The following MBD5 variants were observed in gnomAD, a reference collection of about 807,000 sequenced individuals.
MBD5 encodes the protein methyl-CpG binding domain protein 5, also known as methyl-CpG-binding domain protein 5.
A neutral mutation model predicts 117.3 loss-of-function variants in MBD5; 13 were observed. The observed-to-expected ratio is 0.11, with a 90% CI of 0.07 to 0.18. The LOEUF (loss-of-function observed/expected upper bound fraction) is 0.18, where lower values mean the gene tolerates loss of function less well. Among genes scored for constraint, MBD5 ranks in the 10% least tolerant of loss-of-function variants. MBD5 has a pLI of 1.00. For missense variants in MBD5, 1,879 were observed against 2,093.8 expected, an observed-to-expected ratio of 0.90 and a Z score of 2.00; for synonymous variants, 727 against 766.4, an observed-to-expected ratio of 0.95 and a Z score of 0.85.
intron 1 of MBD5, among the ~76,000 whole-genome samples, chr2:148,050,470 C>A (rs549641410): frequency 1.3e-5 from 2 of 152,044 alleles, no homozygotes; most frequent in South Asian, 4.2e-4. Flanking sequence ...GGATACTAGA[C>A]CCTTATCATA....
intron 4 of MBD5, among the ~76,000 whole-genome samples, chr2:148,386,501 G>A (rs958818643): frequency 6.2e-4 from 94 of 151,798 alleles, no homozygotes; most frequent in African/African-American, 2.1e-3. Flanking sequence ...GGCGGATCAC[G>A]AGGTCAGGAG....
chr2:148,135,287 G>A (rs181340192), intron 1 of MBD5, among the ~76,000 whole-genome samples: 207 of 152,208 alleles, frequency 1.4e-3, no homozygotes, highest in African/African-American at 4.6e-3. Context: ...CTTCAAACCA[G>A]GGAACTTTAC....
intron 1 of MBD5, among the ~76,000 whole-genome samples, chr2:148,037,403 A>G (rs1413909166): frequency 6.6e-6 from 1 of 151,992 alleles, no homozygotes; most frequent in Admixed American, 6.6e-5. Context: ...TTGAAAACTC[A>G]TATTATTTTG....
At chr2:148,477,325 C>G (rs1427225878) in intron 8 of MBD5, among the ~76,000 whole-genome samples, 1 of 152,086 alleles carries the variant, frequency 6.6e-6, no homozygotes, top group African/African-American at 2.4e-5. Flanking sequence ...CCATAGCTCC[C>G]TTTCCCATCT....
At chr2:148,476,946 C>G (rs1267909286) in intron 8 of MBD5, among the ~76,000 whole-genome samples, 1 of 152,088 alleles carries the variant, frequency 6.6e-6, no homozygotes, top group Non-Finnish European at 1.5e-5. Flanking sequence ...GACTTATACT[C>G]TTTTCTCTAC....
At chr2:148,258,814 C>T (rs1187361020) in intron 3 of MBD5, among the ~76,000 whole-genome samples, 5 of 152,208 alleles carry the variant, frequency 3.3e-5, no homozygotes, top group Admixed American at 6.5e-5. Flanking sequence ...CCCCTTTTCT[C>T]CCATGGGGGC....
At chr2:148,300,422 T>A (rs987638297) in intron 3 of MBD5, among the ~76,000 whole-genome samples, 3 of 152,174 alleles carry the variant, frequency 2.0e-5, no homozygotes, top group African/African-American at 7.2e-5. Context: ...CTATTCTCTC[T>A]TCTTTTCCTG....
At chr2:148,106,580 T>C (rs995945566) in intron 1 of MBD5, among the ~76,000 whole-genome samples, 2 of 151,920 alleles carry the variant, frequency 1.3e-5, no homozygotes, top group African/African-American at 4.8e-5. Context: ...TGAATTTATT[T>C]CCACCACTTT....
Position 148,469,273 on chromosome 2 carries a change from C to T in MBD5, c.1330C>T (p.His444Tyr). ...CCCTTCTCCAGTGACATCCCCCGTG[C>T]ACATGATGGGGACTGGAATTGGAAG... The part of the protein sequence containing the change: ...LSPSPVTSPV[H>Y]MMGTGIGRIE... The change falls in exon 8 of 14, where the codon CAC (histidine) becomes TAC (tyrosine). Residue 444 changes from histidine (H) to tyrosine (Y), a missense_variant. Around this residue, in one of 4 missense-constraint regions of MBD5, gnomAD observed 1,666 missense variants for 1,792.2 expected, o/e 0.93. Coordinates refer to ENST00000642680, the MANE Select transcript of MBD5 (RefSeq NM_001378120.1). 6.2e-7 allele frequency: 1 copy of T among 1,613,906 alleles called. No individual in the cohort carries two copies. The highest frequency in any genetic ancestry group is 8.5e-7 in the Non-Finnish European group (1 of 1,179,934).
chr2:148,459,146 A>G (rs976645995), intron 5 of MBD5, among the ~76,000 whole-genome samples: 2 of 152,202 alleles, frequency 1.3e-5, no homozygotes, highest in Admixed American at 6.6e-5. Context: ...CCACATTCAC[A>G]GGAGAATGTA....
chr2:148,227,533 G>A (rs1306637016), intron 2 of MBD5, among the ~76,000 whole-genome samples: 1 of 152,194 alleles, frequency 6.6e-6, no homozygotes, highest in Admixed American at 6.5e-5. Flanking sequence ...AGTATAGTTT[G>A]AAGTCAGGTA....
chr2:148,451,422 G>A (rs889680036), intron 4 of MBD5, among the ~76,000 whole-genome samples: 26 of 152,144 alleles, frequency 1.7e-4, no homozygotes, highest in African/African-American at 6.3e-4. Context: ...ATAGGTCAAA[G>A]GTGAAACAGA....
intron 1 of MBD5, among the ~76,000 whole-genome samples, chr2:148,040,233 G>A (rs1334677294): frequency 6.6e-6 from 1 of 152,040 alleles, no homozygotes; most frequent in East Asian, 1.9e-4. Flanking sequence ...AGACATGGTG[G>A]CACGAGCCTG....
chr2:148,235,098 A>G lies in MBD5; in HGVS notation c.-680+1703A>G, dbSNP rs148237321. Among the ~76,000 whole-genome samples, 7 of 152,272 alleles carry G rather than the reference A, an allele frequency of 4.6e-5. No individual in the cohort carries two copies. The East Asian group carries it at 1.4e-3, about 29-fold the overall frequency. On this transcript the variant is annotated intron_variant, in intron 3 of 13. Coordinates refer to ENST00000642680, the MANE Select transcript of MBD5 (RefSeq NM_001378120.1). ...TATAACTCACACCTATGCTCCTTAT[A>G]CTTTAAATCATCTCTATATTACTTA...
intron 12 of MBD5, among the ~76,000 whole-genome samples, chr2:148,506,402 T>A (rs1158985378): frequency 6.6e-6 from 1 of 152,228 alleles, no homozygotes. Flanking sequence ...ATTAAGTAAA[T>A]CACATTTTCA....
chr2:148,422,734 AC>A (rs1445771659), intron 4 of MBD5, among the ~76,000 whole-genome samples: 1 of 152,228 alleles, frequency 6.6e-6, no homozygotes, highest in Non-Finnish European at 1.5e-5. Flanking sequence ...TTAGAGAAGA[AC>A]ATAAATGACC....
At chr2:148,452,448 C>T (rs565042261) in intron 4 of MBD5, among the ~76,000 whole-genome samples, 1 of 151,926 alleles carries the variant, frequency 6.6e-6, no homozygotes, top group African/African-American at 2.4e-5. Context: ...TGCAGTGAGC[C>T]GTGATTGTGC....
chr2:148,502,536 T>C, intron 12 of MBD5, 27 bp downstream of exon 12: 1 of 1,600,078 alleles, frequency 6.2e-7, no homozygotes, highest in Non-Finnish European at 8.6e-7. Context: ...AATTTTACTT[T>C]GTTTTTCCAG....
intron 2 of MBD5, among the ~76,000 whole-genome samples, chr2:148,187,209 AC>A (rs1201880833): frequency 1.3e-5 from 2 of 152,156 alleles, no homozygotes; most frequent in African/African-American, 4.8e-5. Context: ...TCCAGCCTGG[AC>A]ATACTAGCCA....
Sources: allele counts gnomAD v4.1 joint callset (sites outside exome capture counted in the v4.1 genomes callset), GRCh38; gene constraint gnomAD v4.1.1; regional missense constraint gnomAD v4.1.1; transcripts MANE v1.5; gene names NCBI Gene and HGNC (gene_info 2026-07-23, HGNC 2026-07-21).